The following CHODL variants were observed in gnomAD, a reference collection of about 807,000 sequenced individuals.
The protein encoded by CHODL is chondrolectin, also known as transmembrane protein MT75.
CHODL carries 29 observed loss-of-function variants against 34.5 expected under a neutral mutation model. The ratio of observed to expected loss-of-function variants is 0.84; its 90% CI spans 0.63 to 1.15. The LOEUF (loss-of-function observed/expected upper bound fraction) is 1.15, where lower values mean the gene tolerates loss of function less well. Among genes scored for constraint, CHODL ranks in the 50% most tolerant of loss-of-function variants. The pLI is 0.00. For missense variants in CHODL, 332 were observed against 332.5 expected, an observed-to-expected ratio of 1.00 and a Z score of 0.01; for synonymous variants, 125 against 116.1, an observed-to-expected ratio of 1.08 and a Z score of -0.49.
At chr21:18,054,875 C>A (rs2064559678) in intron 2 of CHODL, among the ~76,000 whole-genome samples, 1 of 151,990 alleles carries the variant, frequency 6.6e-6, no homozygotes, top group Admixed American at 6.6e-5. Flanking sequence ...ACAATACTTG[C>A]TATGTCCCCG....
chr21:17,999,292 CAA>C (rs2063882471), intron 1 of CHODL, among the ~76,000 whole-genome samples: 1 of 152,178 alleles, frequency 6.6e-6, no homozygotes, highest in Non-Finnish European at 1.5e-5. Flanking sequence ...GCATTTTTGT[CAA>C]AGCCATTCAG....
At position 17,994,372 on chromosome 21, in the gene CHODL, A is replaced by G. The variant is rs148906950; in HGVS notation, c.-144-33500A>G. On this transcript the variant is annotated intron_variant, in intron 1 of 6. Coordinates refer to the CHODL transcript ENST00000400127. ...TAATGGCAGTAGAGGGAGCAGGCCAATCCTCAAGTCCTCCAGCAGCATGTG... is the reference window on the plus strand; with the variant it reads ...TAATGGCAGTAGAGGGAGCAGGCCAGTCCTCAAGTCCTCCAGCAGCATGTG... 5.6e-3 allele frequency among the ~76,000 whole-genome samples: 854 copies of G among 152,274 alleles called. 8 individuals are homozygous for G. The highest frequency in any genetic ancestry group is 0.014 in the African/African-American group (565 of 41,566).
chr21:18,179,833 AT>A (rs2073360929), intron 2 of CHODL, among the ~76,000 whole-genome samples: 1 of 152,082 alleles, frequency 6.6e-6, no homozygotes, highest in Non-Finnish European at 1.5e-5. Context: ...GTAATTTTTA[AT>A]TTTTGTTGAC....
rs200762308 is a variant in CHODL, at chr21:18,256,492, CTT to C, written c.80-5_80-4del. On this transcript the variant is annotated splice_polypyrimidine_tract_variant and intron_variant, in intron 1 of 5. Coordinates refer to ENST00000299295, the MANE Select transcript of CHODL (RefSeq NM_024944.3). ...GTTCCGATTATCAATATATGGGCATCTTTTTTTTTTTTTCAGGCCAAAAGGTG... is the reference window on the plus strand; with the variant it reads ...GTTCCGATTATCAATATATGGGCATCTTTTTTTTTTTCAGGCCAAAAGGTG... 9.7e-4 allele frequency: 1,278 copies of C among 1,324,040 alleles called. No individual in the cohort carries two copies. The highest frequency in any genetic ancestry group is 2.8e-3 in the South Asian group (204 of 73,006). 82.0% of individuals were successfully genotyped at this position (1,324,040 alleles called of 1,614,324 possible).
intron 2 of CHODL, among the ~76,000 whole-genome samples, chr21:18,121,576 T>G (rs1041900059): frequency 1.3e-5 from 2 of 152,214 alleles, no homozygotes; most frequent in African/African-American, 4.8e-5. Flanking sequence ...TATAGTGCAT[T>G]ACTTCCCCAA....
At chr21:18,192,593 T>C (rs1409551174) in intron 2 of CHODL, among the ~76,000 whole-genome samples, 1 of 152,200 alleles carries the variant, frequency 6.6e-6, no homozygotes, top group East Asian at 1.9e-4. Flanking sequence ...AGTGCTATAT[T>C]TTAACTTGGA....
intron 2 of CHODL, among the ~76,000 whole-genome samples, chr21:18,135,682 C>A (rs1461846808): frequency 6.6e-6 from 1 of 152,186 alleles, no homozygotes; most frequent in African/African-American, 2.4e-5. Flanking sequence ...TGGGGTATCT[C>A]TCACTGACAA....
At chr21:17,995,319 T>G (rs532786448) in intron 1 of CHODL, among the ~76,000 whole-genome samples, 1 of 152,182 alleles carries the variant, frequency 6.6e-6, no homozygotes, top group Non-Finnish European at 1.5e-5. Context: ...CATGGGGCTC[T>G]CCTGTGGCTA....
At chr21:18,051,962 G>T (rs1215889370) in intron 2 of CHODL, among the ~76,000 whole-genome samples, 1 of 151,902 alleles carries the variant, frequency 6.6e-6, no homozygotes, top group Non-Finnish European at 1.5e-5. Flanking sequence ...ATATGACAGA[G>T]CATCTTATGT....
At chr21:18,133,960 G>T (rs2072689255) in intron 2 of CHODL, among the ~76,000 whole-genome samples, 1 of 152,148 alleles carries the variant, frequency 6.6e-6, no homozygotes, top group Admixed American at 6.5e-5. Flanking sequence ...GAATATATCT[G>T]TGTCTACTAT....
chr21:17,932,145 A>G (rs527249645), intron 1 of CHODL, among the ~76,000 whole-genome samples: 1 of 152,320 alleles, frequency 6.6e-6, no homozygotes, highest in Admixed American at 6.5e-5. Context: ...AAAGTGGGTA[A>G]GGGATACAAA....
chr21:17,988,392 T>A, intron 1 of CHODL, among the ~76,000 whole-genome samples: 1 of 105,296 alleles, frequency 9.5e-6, no homozygotes, highest in Admixed American at 9.7e-5. Context: ...TTTCCCTTTT[T>A]TCCTTTTTTT....
At chr21:17,990,172 T>C (rs1392146622) in intron 1 of CHODL, among the ~76,000 whole-genome samples, 1 of 152,042 alleles carries the variant, frequency 6.6e-6, no homozygotes, top group Non-Finnish European at 1.5e-5. Context: ...AGTGTGTGTA[T>C]AATATATTAA....
chr21:18,149,106 A>T (rs2072934095), intron 2 of CHODL, among the ~76,000 whole-genome samples: 1 of 152,228 alleles, frequency 6.6e-6, no homozygotes, highest in Non-Finnish European at 1.5e-5. Flanking sequence ...AAAGTAAAAC[A>T]TAACCATCAG....
At chr21:18,169,168 T>A (rs982814069) in intron 2 of CHODL, among the ~76,000 whole-genome samples, 1 of 152,096 alleles carries the variant, frequency 6.6e-6, no homozygotes, top group Non-Finnish European at 1.5e-5. Context: ...TTGTAAAAAA[T>A]TTTTTGATTA....
At chr21:17,975,211 A>G (rs1207345620) in intron 1 of CHODL, among the ~76,000 whole-genome samples, 1 of 152,108 alleles carries the variant, frequency 6.6e-6, no homozygotes, top group Non-Finnish European at 1.5e-5. Flanking sequence ...GCAAACTAAC[A>G]TAGGAACAGA....
chr21:18,244,332 A>G (rs1349107913), upstream of CHODL, among the ~76,000 whole-genome samples: 1 of 152,208 alleles, frequency 6.6e-6, no homozygotes, highest in Non-Finnish European at 1.5e-5. Context: ...GTTTTCGTCA[A>G]ACAACCTGCT....
At chr21:18,237,116 C>A (rs547654375) in intron 2 of CHODL, among the ~76,000 whole-genome samples, 4 of 152,082 alleles carry the variant, frequency 2.6e-5, no homozygotes, top group African/African-American at 9.6e-5. Flanking sequence ...GAAAATCAAC[C>A]ACATGTTAAA....
chr21:18,027,442 A>G (rs2146433578), intron 1 of CHODL, among the ~76,000 whole-genome samples: 1 of 152,296 alleles, frequency 6.6e-6, no homozygotes, highest in Admixed American at 6.5e-5. Context: ...ATTATTAATG[A>G]TGATAATATT....
Sources: gnomAD v4.1 joint callset for allele counts (sites outside exome capture counted in the v4.1 genomes callset) on GRCh38, gnomAD v4.1.1 for gene constraint, MANE v1.5 for transcripts, NCBI Gene and HGNC (gene_info 2026-07-23, HGNC 2026-07-21) for gene names.